The following SLAMF1 variants were observed in gnomAD, a reference collection of about 807,000 sequenced individuals.
SLAMF1 encodes signaling lymphocytic activation molecule.
SLAMF1 carries 18 observed loss-of-function variants against 35.1 expected under a neutral mutation model. The ratio of observed to expected loss-of-function variants is 0.51; its 90% CI spans 0.35 to 0.76. The LOEUF (loss-of-function observed/expected upper bound fraction) is 0.76. Among genes scored for constraint, SLAMF1 ranks in the 30% least tolerant of loss-of-function variants. SLAMF1 has a pLI of 0.01. For missense variants in SLAMF1, 392 were observed against 413.0 expected, an observed-to-expected ratio of 0.95 and a Z score of 0.44; for synonymous variants, 168 against 157.2, an observed-to-expected ratio of 1.07 and a Z score of -0.51.
In SLAMF1 at chr1:160,624,199, G is replaced by A. The variant is rs1475701163; in HGVS notation, c.701-14C>T. The A allele has an allele frequency of 1.3e-6, 2 of 1,562,214 alleles. No individual in the cohort carries two copies. Among genetic ancestry groups the A allele is most frequent in the Non-Finnish European group, 8.8e-7 (1 of 1,138,550 alleles). ...ATGGTTTTGTTTCTGGAAAAAAAAA[G>A]AAGTCAAAGAGCAATCTCAAAAGTA... is the stretch of plus-strand genomic sequence containing the variant. On this transcript the variant is annotated splice_polypyrimidine_tract_variant and intron_variant, in intron 3 of 6. Coordinates refer to ENST00000302035, the MANE Select transcript of SLAMF1 (RefSeq NM_003037.5).
intron 3 of SLAMF1, among the ~76,000 whole-genome samples, chr1:160,628,895 A>T (rs1229973877): frequency 6.6e-6 from 1 of 152,146 alleles, no homozygotes; most frequent in Admixed American, 6.5e-5. Context: ...CTGTGCTCCC[A>T]TTTTCAAACC....
intron 1 of SLAMF1, among the ~76,000 whole-genome samples, chr1:160,644,060 T>C (rs571613537): frequency 4.1e-4 from 62 of 152,380 alleles, no homozygotes; most frequent in African/African-American, 1.5e-3. Context: ...AAAAAAGTTT[T>C]CATTTTCCAA....
intron 3 of SLAMF1, among the ~76,000 whole-genome samples, chr1:160,628,262 T>A (rs1659987413): frequency 6.6e-6 from 1 of 152,054 alleles, no homozygotes; most frequent in Non-Finnish European, 1.5e-5. Context: ...GATTGAAGGG[T>A]CCCAGGGAGC....
rs1211090354 is a variant in SLAMF1, at chr1:160,642,568, G to A, written c.76+4302C>T. 6.6e-6 allele frequency among the ~76,000 whole-genome samples: 1 copy of A among 152,206 alleles called. No homozygotes were observed. The highest frequency in any genetic ancestry group is 1.5e-5 in the Non-Finnish European group (1 of 68,026). ...ATCCCTAACACCCACCTGGGACATA[G>A]TAGGAGCTCAGTAAATCCTTGTTGC... On this transcript the variant is annotated intron_variant, in intron 1 of 6. Transcript: ENST00000302035. This position sits in a 1 kb window ranked among gnomAD's most constrained non-coding sequence, Gnocchi z 4.2.
At chr1:160,623,505 T>C (rs1659724833) in intron 4 of SLAMF1, 1 of 398,734 alleles carries the variant, frequency 2.5e-6, no homozygotes, top group Non-Finnish European at 4.4e-6. Context: ...ATCCTTACCA[T>C]GGGAAGGCAG....
chr1:160,637,542 G>A lies in SLAMF1; in HGVS notation c.77-13C>T. 1 of 1,586,302 alleles carries A rather than the reference G, an allele frequency of 6.3e-7. No individual in the cohort carries two copies. The highest frequency in any genetic ancestry group is 1.1e-5 in the South Asian group (1 of 90,308). On this transcript the variant is annotated splice_polypyrimidine_tract_variant and intron_variant, in intron 1 of 6. Coordinates refer to ENST00000302035, the MANE Select transcript of SLAMF1 (RefSeq NM_003037.5). Reference sequence around the variant, plus strand: ...ATCATGCGCCCACCTGTGGGAGGGAGGAGAAGAGAGTCCCTTATTATTAAG... The same window carrying A: ...ATCATGCGCCCACCTGTGGGAGGGAAGAGAAGAGAGTCCCTTATTATTAAG...
intron 3 of SLAMF1, among the ~76,000 whole-genome samples, chr1:160,627,916 G>T (rs1659963331): frequency 6.6e-6 from 1 of 152,138 alleles, no homozygotes. Context: ...ATCATGGGGT[G>T]GTTTCCCCCA....
chr1:160,613,511 G>T (rs191494125), intron 5 of SLAMF1, among the ~76,000 whole-genome samples: 1 of 152,166 alleles, frequency 6.6e-6, no homozygotes, highest in Admixed American at 6.5e-5. Flanking sequence ...TGTAAGATGC[G>T]GATGCCATCA....
chr1:160,640,325 CATAT>C lies in SLAMF1; in HGVS notation c.77-2800_77-2797del, dbSNP rs56785818. 6.3e-3 allele frequency among the ~76,000 whole-genome samples: 591 copies of C among 94,106 alleles called. 9 individuals are homozygous for C. The highest frequency in any genetic ancestry group is 0.019 in the African/African-American group (457 of 24,024). 61.7% of individuals were successfully genotyped at this position (94,106 alleles called of 152,430 possible). Reference sequence around the variant, plus strand: ...CTCTTATTTAGGTTATTAGGTTTGTCATATATATATATATATATATATATATATA... The same window carrying C: ...CTCTTATTTAGGTTATTAGGTTTGTCATATATATATATATATATATATATA... On this transcript the variant is annotated intron_variant, in intron 1 of 6. Transcript: ENST00000302035.
chr1:160,634,718 C>T lies in SLAMF1; in HGVS notation c.595G>A (p.Gly199Ser), dbSNP rs766075769. The T allele has an allele frequency of 2.9e-5, 46 of 1,614,012 alleles. No individual in the cohort carries two copies. Among genetic ancestry groups the T allele is most frequent in the Non-Finnish European group, 3.5e-5 (41 of 1,179,984 alleles). Residue 199 changes from glycine (G) to serine (S), a missense_variant, in exon 3 of 7, where the codon GGC (glycine) becomes AGC (serine). Gly to Ser is a moderately conservative substitution (Grantham distance 56, BLOSUM62 0). Transcript: ENST00000302035. ...TAGATATTGTCAGCATGCTGGGGGC[C>T]GAGGGTGAGGGACAGGAGGTGGGAG... Reference protein sequence around the residue: ...NSSHLLSLTLGPQHADNIYIC... With the variant: ...NSSHLLSLTLSPQHADNIYIC...
At chr1:160,645,787 G>T (rs1363460696) in intron 1 of SLAMF1, among the ~76,000 whole-genome samples, 1 of 152,280 alleles carries the variant, frequency 6.6e-6, no homozygotes, top group African/African-American at 2.4e-5. Flanking sequence ...AGCAAGCCCT[G>T]TTCGTCTGGC....
rs200678007 is a variant in SLAMF1, at chr1:160,634,635, G to C, written c.678C>G (p.Pro226=). The C allele has an allele frequency of 1.9e-6, 3 of 1,611,330 alleles. No homozygotes were observed. The highest frequency in any genetic ancestry group is 2.5e-6 in the Non-Finnish European group (3 of 1,178,256). ...SNNSQTFSPW[P]GCRTDPSETK... ...CACCTGAGGGGTCTGTCCTGCATCC[G>C]GGCCACGGGCTGAAGGTCTGGGAAT... Residue 226 remains proline, a synonymous_variant, in exon 3 of 7, where the codon CCC becomes CCG. Coordinates refer to ENST00000302035, the MANE Select transcript of SLAMF1 (RefSeq NM_003037.5).
chr1:160,633,991 G>T (rs1660296985), intron 3 of SLAMF1, among the ~76,000 whole-genome samples: 1 of 152,154 alleles, frequency 6.6e-6, no homozygotes, highest in African/African-American at 2.4e-5. Flanking sequence ...GAAGCGCTGT[G>T]CAATTTATTA....
chr1:160,628,160 G>A (rs1659981740), intron 3 of SLAMF1, among the ~76,000 whole-genome samples: 1 of 152,124 alleles, frequency 6.6e-6, no homozygotes, highest in African/African-American at 2.4e-5. Flanking sequence ...GATGAGAGCG[G>A]ACTAATACAA....
chr1:160,624,227 C>T lies in SLAMF1; in HGVS notation c.701-42G>A, dbSNP rs767808599. On this transcript the variant is annotated intron_variant, in intron 3 of 6. Transcript: ENST00000302035. The stretch of plus-strand genomic sequence containing the variant: ...GTCAAAGAGCAATCTCAAAAGTATT[C>T]TGAGCTTAAAAACATCTTACATGAA... The T allele has an allele frequency of 7.1e-5, 98 of 1,378,144 alleles. 1 individual carries two copies. Among genetic ancestry groups the T allele is most frequent in the Non-Finnish European group, 1.0e-4 (97 of 973,284 alleles). The allele number at this position is 1,378,144 out of a possible 1,614,324, so 85.4% of individuals were successfully genotyped here. A position where few individuals can be genotyped will look rare whatever the true frequency, so the allele number is the denominator to read the frequency against.
chr1:160,623,408 CT>C, intron 4 of SLAMF1: 1 of 396,786 alleles, frequency 2.5e-6, no homozygotes, highest in East Asian at 3.6e-5. Context: ...GAGGTAAGGG[CT>C]TTTCTAAGAA....
At chr1:160,643,044 C>T (rs894525779) in intron 1 of SLAMF1, among the ~76,000 whole-genome samples, 1 of 20,984 alleles carries the variant, frequency 4.8e-5, no homozygotes, top group East Asian at 0.056. Context: ...ATGCTTTGGC[C>T]CCCCACTTCC....
At chr1:160,639,952 C>G (rs1247380717) in intron 1 of SLAMF1, among the ~76,000 whole-genome samples, 3 of 152,064 alleles carry the variant, frequency 2.0e-5, no homozygotes, top group Non-Finnish European at 4.4e-5. Flanking sequence ...GTTCCTCTCT[C>G]TGAAGAATTT....
intron 3 of SLAMF1, among the ~76,000 whole-genome samples, chr1:160,628,324 CTCTT>C (rs1184210040): frequency 3.3e-5 from 5 of 152,200 alleles, no homozygotes; most frequent in Non-Finnish European, 5.9e-5. Context: ...TTCAGACTCT[CTCTT>C]TCTCTTCCCA....
Sources: allele counts gnomAD v4.1 joint callset (sites outside exome capture counted in the v4.1 genomes callset), GRCh38; gene constraint gnomAD v4.1.1; non-coding constraint Gnocchi (gnomAD v3.1); transcripts MANE v1.5; gene names NCBI Gene and HGNC (gene_info 2026-07-23, HGNC 2026-07-21).